The following DLG2 variants were observed in gnomAD, a reference collection of about 807,000 sequenced individuals.
DLG2 encodes the protein discs large MAGUK scaffold protein 2, also known as disks large homolog 2.
A neutral mutation model predicts 132.5 loss-of-function variants in DLG2; 45 were observed. That is an observed-to-expected ratio of 0.34 (90% CI 0.27 to 0.44). The LOEUF (loss-of-function observed/expected upper bound fraction) is 0.44. DLG2 is among the 20% of genes least tolerant of loss of function. The pLI, the probability that DLG2 is intolerant of heterozygous loss-of-function variation, is 1.00. For synonymous variants in DLG2, 424 were observed against 419.6 expected (o/e 1.01, Z -0.13); for missense variants, 1,045 against 1,196.9 (o/e 0.87, Z 1.87).
chr11:83,774,604 G>A (rs2094516586), intron 18 of DLG2, among the ~76,000 whole-genome samples: 1 of 152,030 alleles, frequency 6.6e-6, no homozygotes, highest in African/African-American at 2.4e-5. Flanking sequence ...TCAGCAGGAA[G>A]TAAGGAAATT....
At chr11:83,665,760 A>G (rs2075385955) in intron 18 of DLG2, among the ~76,000 whole-genome samples, 1 of 152,220 alleles carries the variant, frequency 6.6e-6, no homozygotes, top group Non-Finnish European at 1.5e-5. Flanking sequence ...GGAAAAATGA[A>G]TAATTTCTAC....
intron 4 of DLG2, among the ~76,000 whole-genome samples, chr11:85,198,433 T>C (rs192426210): frequency 1.3e-5 from 2 of 152,248 alleles, no homozygotes; most frequent in Admixed American, 1.3e-4. Flanking sequence ...TTTCCACAAG[T>C]GGCATACTAA....
intron 9 of DLG2, among the ~76,000 whole-genome samples, chr11:84,129,683 C>A (rs1442240563): frequency 6.6e-6 from 1 of 151,300 alleles, no homozygotes; most frequent in African/African-American, 2.5e-5. Flanking sequence ...AGTATTTTTA[C>A]ATTGTATTAG....
At chr11:84,924,109 A>G (rs970908333) in intron 6 of DLG2, among the ~76,000 whole-genome samples, 1 of 152,126 alleles carries the variant, frequency 6.6e-6, no homozygotes, top group Non-Finnish European at 1.5e-5. Context: ...GGAAAAAAAA[A>G]AATTAAAAAC....
intron 15 of DLG2, among the ~76,000 whole-genome samples, chr11:83,889,499 A>G (rs1047570531): frequency 3.9e-5 from 6 of 152,192 alleles, no homozygotes; most frequent in African/African-American, 1.4e-4. Context: ...ACACTTTTAC[A>G]CTGTTGGTGG....
chr11:85,118,288 A>G (rs1158471526), intron 5 of DLG2, among the ~76,000 whole-genome samples: 1 of 152,092 alleles, frequency 6.6e-6, no homozygotes, highest in Non-Finnish European at 1.5e-5. Context: ...GATGCTGAGA[A>G]CAAGCGTTTT....
intron 18 of DLG2, among the ~76,000 whole-genome samples, chr11:83,758,073 T>G (rs2093726978): frequency 1.3e-5 from 2 of 152,206 alleles, no homozygotes; most frequent in African/African-American, 4.8e-5. Flanking sequence ...CAAATAAAAT[T>G]TTTGCTGACT....
chr11:83,859,821 A>T (rs938685249), intron 16 of DLG2, among the ~76,000 whole-genome samples: 2 of 151,996 alleles, frequency 1.3e-5, no homozygotes, highest in Admixed American at 6.6e-5. Flanking sequence ...AGGGGGAAAA[A>T]ATGGTTTTGT....
At chr11:85,558,199 A>G (rs1219546204) in intron 3 of DLG2, among the ~76,000 whole-genome samples, 1 of 152,008 alleles carries the variant, frequency 6.6e-6, no homozygotes, top group Non-Finnish European at 1.5e-5. Flanking sequence ...AAACATATGA[A>G]AAATGCTCAA....
chr11:84,291,052 C>T (rs2097988047), intron 7 of DLG2, among the ~76,000 whole-genome samples: 1 of 152,126 alleles, frequency 6.6e-6, no homozygotes, highest in Non-Finnish European at 1.5e-5. Context: ...TACATGTTAG[C>T]TACTATTGTT....
chr11:83,503,466 T>TAC (rs1565513130), intron 21 of DLG2, among the ~76,000 whole-genome samples: 1 of 135,710 alleles, frequency 7.4e-6, no homozygotes. Flanking sequence ...CACACACACA[T>TAC]ATATTATTAA....
intron 6 of DLG2, among the ~76,000 whole-genome samples, chr11:84,924,085 CT>C (rs2092885030): frequency 6.6e-6 from 1 of 151,854 alleles, no homozygotes; most frequent in South Asian, 2.1e-4. Context: ...GCTTCTGCCC[CT>C]ATAAGTCCGT....
chr11:84,587,234 G>A lies in DLG2; in HGVS notation c.358-52503C>T, dbSNP rs564049601. Among the ~76,000 whole-genome samples, 5 of 152,214 alleles carry A rather than the reference G, an allele frequency of 3.3e-5. No homozygotes were observed. In the South Asian group the frequency reaches 8.3e-4, roughly 25 times the overall value. On this transcript the variant is annotated intron_variant, in intron 6 of 27. Transcript: ENST00000376104. The stretch of plus-strand genomic sequence containing the variant: ...GAAAATCCCAAATTTATTTTCTTTG[G>A]CTTATGTGTCTGGCTTTAACTGAGA...
intron 3 of DLG2, among the ~76,000 whole-genome samples, chr11:85,494,332 A>G (rs145069764): frequency 4.2e-4 from 64 of 152,346 alleles, no homozygotes; most frequent in African/African-American, 1.5e-3. Flanking sequence ...GCCTTAGAAA[A>G]GAAAAGGAAT....
intron 4 of DLG2, among the ~76,000 whole-genome samples, chr11:85,205,070 T>C (rs933427017): frequency 6.6e-6 from 1 of 150,966 alleles, no homozygotes; most frequent in African/African-American, 2.4e-5. Context: ...AACATAAAAC[T>C]ATAAAACTAA....
At chr11:84,762,638 C>T (rs888411259) in intron 6 of DLG2, among the ~76,000 whole-genome samples, 1 of 152,182 alleles carries the variant, frequency 6.6e-6, no homozygotes, top group African/African-American at 2.4e-5. Flanking sequence ...TACCCTGGCA[C>T]TACCTTCCAA....
intron 9 of DLG2, among the ~76,000 whole-genome samples, chr11:84,158,122 G>T (rs1157857008): frequency 6.6e-6 from 1 of 151,588 alleles, no homozygotes; most frequent in African/African-American, 2.4e-5. Flanking sequence ...GGAGTGCAGT[G>T]GCACCATCTT....
At chr11:84,595,437 C>T (rs1008637128) in intron 6 of DLG2, among the ~76,000 whole-genome samples, 5 of 151,008 alleles carry the variant, frequency 3.3e-5, no homozygotes, top group African/African-American at 1.2e-4. Context: ...TAATGAAAGA[C>T]TTAGTCATTG....
chr11:84,694,153 G>C lies in DLG2; in HGVS notation c.358-159422C>G, dbSNP rs182330525. 8.0e-4 allele frequency among the ~76,000 whole-genome samples: 121 copies of C among 151,714 alleles called. 1 individual carries two copies. Among genetic ancestry groups the C allele is most frequent in the African/African-American group, 2.9e-3 (119 of 41,486 alleles). On this transcript the variant is annotated intron_variant, in intron 6 of 27. Coordinates refer to ENST00000376104, the MANE Select transcript of DLG2 (RefSeq NM_001142699.3). ...GAGAAAGAAAGGAAGAAAATTAGCA[G>C]GTGGAGAAGGGAAGGAAGACTTGAT...
Sources: allele counts gnomAD v4.1 joint callset (sites outside exome capture counted in the v4.1 genomes callset), GRCh38; gene constraint gnomAD v4.1.1; transcripts MANE v1.5; gene names NCBI Gene and HGNC (gene_info 2026-07-23, HGNC 2026-07-21).